Variants in SLC8A1 observed in about 807,000 individuals in gnomAD.
SLC8A1 encodes sodium/calcium exchanger 1.
A neutral mutation model predicts 68.3 loss-of-function variants in SLC8A1; 18 were observed. That is an observed-to-expected ratio of 0.26 (90% CI 0.18 to 0.39). The LOEUF is 0.39. SLC8A1 is among the 10% of genes least tolerant of loss of function. The pLI, the probability that SLC8A1 is intolerant of heterozygous loss-of-function variation, is 1.00. For missense variants in SLC8A1, 985 were observed against 1,156.7 expected (o/e 0.85, Z 2.15); for synonymous variants, 475 against 415.5 (o/e 1.14, Z -1.74).
chr2:40,450,298 T>C (rs1238072916), intron 1 of SLC8A1, among the ~76,000 whole-genome samples: 1 of 152,156 alleles, frequency 6.6e-6, no homozygotes, highest in Non-Finnish European at 1.5e-5. Context: ...ATTTTCCTTT[T>C]TTTTTCTGAC....
intron 2 of SLC8A1, among the ~76,000 whole-genome samples, chr2:40,232,667 G>A (rs1217110621): frequency 2.3e-5 from 3 of 131,736 alleles, no homozygotes; most frequent in Admixed American, 1.6e-4. Context: ...AGTTACATAC[G>A]TATACATGTG....
intron 7 of SLC8A1, among the ~76,000 whole-genome samples, chr2:40,121,507 A>G (rs2036801048): frequency 6.6e-6 from 1 of 152,032 alleles, no homozygotes; most frequent in Admixed American, 6.6e-5. Context: ...AGCTTCTTCC[A>G]CTCACAATAT....
In SLC8A1 at chr2:40,378,534, G is replaced by A. The variant is rs563645901; in HGVS notation, c.1808+49939C>T. ...CTCTCAGTGAAGTGCGAAGCTAGTG[G>A]AGAGTTTTGAGCAGAGGAGTGTCTG... On this transcript the variant is annotated intron_variant, in intron 2 of 7. Transcript: ENST00000406785. Among the ~76,000 whole-genome samples the A allele has an allele frequency of 9.2e-5, 14 of 152,220 alleles. No homozygotes were observed. The South Asian group carries it at 2.9e-3, about 32-fold the overall frequency.
At chr2:40,484,449 G>C (rs555886338) in intron 1 of SLC8A1, among the ~76,000 whole-genome samples, 3 of 152,338 alleles carry the variant, frequency 2.0e-5, no homozygotes, top group East Asian at 3.9e-4. Context: ...GATGCTGTGA[G>C]CTTTCTCGTA....
chr2:40,325,281 AC>A (rs1302995891), intron 2 of SLC8A1, among the ~76,000 whole-genome samples: 1 of 152,102 alleles, frequency 6.6e-6, no homozygotes, highest in Non-Finnish European at 1.5e-5. Flanking sequence ...AAAATACTTG[AC>A]CTTTTGAGGT....
At chr2:40,313,815 T>C (rs2074068231) in intron 2 of SLC8A1, among the ~76,000 whole-genome samples, 2 of 152,138 alleles carry the variant, frequency 1.3e-5, no homozygotes, top group Non-Finnish European at 2.9e-5. Context: ...CATGTGCTTA[T>C]TTGTTAACAT....
chr2:40,132,541 A>G (rs1331091187), intron 7 of SLC8A1, among the ~76,000 whole-genome samples: 1 of 152,164 alleles, frequency 6.6e-6, no homozygotes, highest in Non-Finnish European at 1.5e-5. Flanking sequence ...AAGTAAAGCG[A>G]CAGGACCCAG....
At chr2:40,152,295 A>G (rs1019762776) in intron 6 of SLC8A1, among the ~76,000 whole-genome samples, 1 of 152,222 alleles carries the variant, frequency 6.6e-6, no homozygotes, top group Non-Finnish European at 1.5e-5. Flanking sequence ...ATAGTTGTTT[A>G]TGTGCAATGA....
chr2:40,198,679 A>G (rs1359678545), intron 2 of SLC8A1, among the ~76,000 whole-genome samples: 9 of 151,940 alleles, frequency 5.9e-5, no homozygotes, highest in Admixed American at 5.9e-4. Context: ...GATTATCTTC[A>G]GTTGTTTGGA....
chr2:40,288,160 T>C (rs1404439551), intron 2 of SLC8A1, among the ~76,000 whole-genome samples: 1 of 152,090 alleles, frequency 6.6e-6, no homozygotes, highest in Non-Finnish European at 1.5e-5. Flanking sequence ...TGATAGTGTT[T>C]TCATGAATTT....
At chr2:40,340,045 T>C (rs543675353) in intron 2 of SLC8A1, among the ~76,000 whole-genome samples, 1 of 152,282 alleles carries the variant, frequency 6.6e-6, no homozygotes, top group East Asian at 1.9e-4. Flanking sequence ...AATACAAATG[T>C]TCATATGCAA....
chr2:40,435,461 T>C (rs1269720473), intron 1 of SLC8A1, among the ~76,000 whole-genome samples: 1 of 152,116 alleles, frequency 6.6e-6, no homozygotes. Flanking sequence ...TACCTAATTT[T>C]CCCTTCCAAA....
At chr2:40,279,418 A>C (rs886808550) in intron 2 of SLC8A1, among the ~76,000 whole-genome samples, 16 of 152,204 alleles carry the variant, frequency 1.1e-4, no homozygotes, top group African/African-American at 3.6e-4. Context: ...TGGGTGCCAG[A>C]AACTGAGAAA....
chr2:40,487,706 C>T (rs545140631), intron 1 of SLC8A1, among the ~76,000 whole-genome samples: 3 of 152,196 alleles, frequency 2.0e-5, no homozygotes, highest in African/African-American at 7.2e-5. Flanking sequence ...TTAGTGTTCA[C>T]TGTGACTCCA....
chr2:40,265,964 C>T (rs1320878559), intron 2 of SLC8A1, among the ~76,000 whole-genome samples: 2 of 152,160 alleles, frequency 1.3e-5, no homozygotes, highest in East Asian at 3.9e-4. Context: ...GTTTGACCCA[C>T]TTAACATAAA....
At chr2:40,136,745 A>G (rs781163252) in intron 7 of SLC8A1, among the ~76,000 whole-genome samples, 20 of 152,210 alleles carry the variant, frequency 1.3e-4, no homozygotes, top group Non-Finnish European at 2.6e-4. Flanking sequence ...ATATAATAAA[A>G]CATTGCTCTG....
chr2:40,345,961 T>C (rs1669110420), intron 2 of SLC8A1, among the ~76,000 whole-genome samples: 1 of 144,138 alleles, frequency 6.9e-6, no homozygotes, highest in South Asian at 2.1e-4. Context: ...TGTATACCTA[T>C]GAAACAAACC....
At chr2:40,276,875 C>T (rs2066764756) in intron 2 of SLC8A1, among the ~76,000 whole-genome samples, 1 of 152,200 alleles carries the variant, frequency 6.6e-6, no homozygotes, top group Admixed American at 6.5e-5. Context: ...GCCCAACTTA[C>T]ATTCTATGAG....
At chr2:40,336,168 T>A (rs1665909408) in intron 2 of SLC8A1, among the ~76,000 whole-genome samples, 1 of 152,226 alleles carries the variant, frequency 6.6e-6, no homozygotes, top group Non-Finnish European at 1.5e-5. Flanking sequence ...TTGGCCATCC[T>A]AATTCCACTT....
Sources: gnomAD v4.1 joint callset for allele counts (sites outside exome capture counted in the v4.1 genomes callset) on GRCh38, gnomAD v4.1.1 for gene constraint, MANE v1.5 for transcripts, NCBI Gene and HGNC (gene_info 2026-07-23, HGNC 2026-07-21) for gene names.